Variants in CCDC91 observed in about 807,000 individuals in gnomAD.
The protein encoded by CCDC91 is coiled-coil domain containing 91.
A neutral mutation model predicts 63.2 loss-of-function variants in CCDC91; 48 were observed. The ratio of observed to expected loss-of-function variants is 0.76; its 90% confidence interval spans 0.60 to 0.97. The LOEUF is 0.97. Among genes scored for constraint, CCDC91 ranks in the 50% least tolerant of loss-of-function variants. The pLI is 0.00. For synonymous variants in CCDC91, 167 were observed against 165.8 expected (o/e 1.01, Z -0.06); for missense variants, 500 against 494.6 (o/e 1.01, Z -0.10).
intron 12 of CCDC91, among the ~76,000 whole-genome samples, chr12:28,536,440 G>C (rs984171851): frequency 1.3e-5 from 2 of 152,104 alleles, no homozygotes; most frequent in African/African-American, 4.8e-5. Context: ...TTAAACTATA[G>C]CATGACCTAG....
chr12:28,452,122 A>G (rs1183426096), intron 10 of CCDC91, among the ~76,000 whole-genome samples: 8 of 151,284 alleles, frequency 5.3e-5, no homozygotes, highest in African/African-American at 1.9e-4. Context: ...TTTTTCTTGA[A>G]TTTCTAATAT....
At chr12:28,489,416 C>G (rs1389771836) in intron 12 of CCDC91, among the ~76,000 whole-genome samples, 1 of 151,862 alleles carries the variant, frequency 6.6e-6, no homozygotes, top group Admixed American at 6.6e-5. Context: ...ACCGACAGCC[C>G]TTGGATTAGA....
At chr12:28,245,042 CAA>C (rs1945636147) in intron 1 of CCDC91, among the ~76,000 whole-genome samples, 1 of 151,944 alleles carries the variant, frequency 6.6e-6, no homozygotes, top group Admixed American at 6.6e-5. Flanking sequence ...ATGCACCTAA[CAA>C]GAAATTTTTG....
At chr12:28,495,551 C>G (rs1284327151) in intron 12 of CCDC91, among the ~76,000 whole-genome samples, 2 of 151,624 alleles carry the variant, frequency 1.3e-5, no homozygotes, top group Non-Finnish European at 3.0e-5. Flanking sequence ...ACATTGGAAG[C>G]CACGTAGCCC....
chr12:28,482,147 G>A (rs11049659), intron 11 of CCDC91, among the ~76,000 whole-genome samples: 31,665 of 151,694 alleles, frequency 0.21, 4,330 homozygotes, highest in Non-Finnish European at 0.31. Flanking sequence ...CACTACAGAA[G>A]TATTAACATG....
In CCDC91 at chr12:28,391,382, C is replaced by T. The variant is rs1438969341; in HGVS notation, c.733C>T (p.His245Tyr). 6.2e-7 allele frequency: 1 copy of T among 1,611,866 alleles called. No individual in the cohort carries two copies. The highest frequency in any genetic ancestry group is 1.7e-4 in the Middle Eastern group (1 of 6,054). The change falls in exon 8 of 13, where the codon CAC becomes TAC. Residue 245 changes from histidine (H) to tyrosine (Y), a missense_variant. Physicochemically the swap from His to Tyr is moderately conservative, Grantham distance 83. Coordinates refer to ENST00000536442, the MANE Select transcript of CCDC91 (RefSeq NM_018318.5). ...CATTTCTGCAATTGAGAAACAGGCA[C>T]ACAAGTGTGAGGAGTTGCTAAATGC... ...QYISAIEKQA[H>Y]KCEELLNAQH...
rs143515409 is a variant in CCDC91, at chr12:28,389,047, G to T, written c.655-2257G>T. 5.9e-3 allele frequency among the ~76,000 whole-genome samples: 903 copies of T among 152,306 alleles called. 9 individuals carry two copies. The highest frequency in any genetic ancestry group is 0.021 in the African/African-American group (877 of 41,580). On this transcript the variant is annotated intron_variant, in intron 7 of 12. Coordinates refer to ENST00000536442, the MANE Select transcript of CCDC91 (RefSeq NM_018318.5). ...GAGCTTTTGCATGGCAAAAGGAACA[G>T]TCAGCAGAGTAAACAGACGACCCAC...
chr12:28,353,377 C>T (rs935106718), intron 6 of CCDC91, among the ~76,000 whole-genome samples: 2 of 152,156 alleles, frequency 1.3e-5, no homozygotes. Flanking sequence ...TAATTTCCTC[C>T]AAAAACTTGT....
At chr12:28,267,706 ATTAT>A (rs1947296141) in intron 3 of CCDC91, among the ~76,000 whole-genome samples, 1 of 115,096 alleles carries the variant, frequency 8.7e-6, no homozygotes, top group Non-Finnish European at 1.7e-5. Flanking sequence ...ATTATATATA[ATTAT>A]ATAATTATAT....
rs186330165 is a variant in CCDC91 at position 28,495,452 on chromosome 12, C to A, written c.1215+11287C>A. 7.6e-4 allele frequency among the ~76,000 whole-genome samples: 116 copies of A among 151,724 alleles called. 1 individual carries two copies. Among genetic ancestry groups the A allele is most frequent in the African/African-American group, 2.7e-3 (112 of 41,460 alleles). On this transcript the variant is annotated intron_variant, in intron 12 of 12. Coordinates refer to ENST00000536442, the MANE Select transcript of CCDC91 (RefSeq NM_018318.5). ...AGGTCAGAGCATTCTGATTACAACT[C>A]AACCATGCTAGCAGTAACAGTAACC... is the stretch of plus-strand genomic sequence containing the variant.
intron 8 of CCDC91, among the ~76,000 whole-genome samples, chr12:28,438,310 G>T (rs1373732832): frequency 3.3e-5 from 5 of 152,078 alleles, no homozygotes; most frequent in Non-Finnish European, 7.4e-5. Flanking sequence ...TTACAAAAGG[G>T]CTTGAGGGGC....
intron 12 of CCDC91, among the ~76,000 whole-genome samples, chr12:28,492,993 A>G (rs916745465): frequency 1.1e-4 from 17 of 151,670 alleles, no homozygotes; most frequent in African/African-American, 4.1e-4. Flanking sequence ...ATACCTAGAA[A>G]TACTCAACTT....
Position 28,532,700 on chromosome 12 carries a change from T to A in CCDC91, c.1216-16363T>A, listed in dbSNP as rs1941841470. 3.3e-5 allele frequency among the ~76,000 whole-genome samples: 5 copies of A among 152,216 alleles called. 1 individual carries two copies. The South Asian group carries it at 1.0e-3, about 32-fold the overall frequency. ...CAAGCATAGTACACAGGAAACTCCA[T>A]GTTTTATAACTAGGAAGCTTATGAT... is the stretch of plus-strand genomic sequence containing the variant. On this transcript the variant is annotated intron_variant, in intron 12 of 12. Transcript: ENST00000536442.
At chr12:28,202,855 G>A (rs1942568033) in intron 1 of CCDC91, among the ~76,000 whole-genome samples, 1 of 152,162 alleles carries the variant, frequency 6.6e-6, no homozygotes, top group African/African-American at 2.4e-5. Flanking sequence ...TCAGCTTGTT[G>A]TTTGCCCCAA....
intron 3 of CCDC91, among the ~76,000 whole-genome samples, chr12:28,297,778 G>A (rs2136933300): frequency 6.6e-6 from 1 of 151,818 alleles, no homozygotes; most frequent in East Asian, 1.9e-4. Context: ...AAGCACTTTG[G>A]AACTTTAAAA....
intron 11 of CCDC91, among the ~76,000 whole-genome samples, chr12:28,476,339 G>C (rs1189112749): frequency 6.6e-6 from 1 of 151,954 alleles, no homozygotes. Flanking sequence ...CCGGTCAACT[G>C]CATGGAAACT....
chr12:28,419,459 C>G (rs1044293390), intron 8 of CCDC91, among the ~76,000 whole-genome samples: 2 of 151,954 alleles, frequency 1.3e-5, no homozygotes, highest in African/African-American at 2.4e-5. Flanking sequence ...AAAAATGACA[C>G]AAGAAAAATA....
intron 6 of CCDC91, among the ~76,000 whole-genome samples, chr12:28,357,360 A>G (rs940150733): frequency 2.6e-5 from 4 of 152,122 alleles, no homozygotes; most frequent in African/African-American, 7.2e-5. Context: ...TGGTTGGAAT[A>G]TGCTTCCATT....
intron 1 of CCDC91, among the ~76,000 whole-genome samples, chr12:28,220,903 C>T (rs533085101): frequency 1.3e-5 from 2 of 152,090 alleles, no homozygotes; most frequent in South Asian, 2.1e-4. Flanking sequence ...GATTATGATG[C>T]GCATTAGTAT....
Sources: gnomAD v4.1 joint callset for allele counts (sites outside exome capture counted in the v4.1 genomes callset) on GRCh38, gnomAD v4.1.1 for gene constraint, MANE v1.5 for transcripts, NCBI Gene and HGNC (gene_info 2026-07-23, HGNC 2026-07-21) for gene names.